Variants in PARG observed in about 807,000 individuals in gnomAD.
PARG encodes poly(ADP-ribose) glycohydrolase, also known as mitochondrial poly(ADP-ribose) glycohydrolase.
PARG carries 35 observed loss-of-function variants against 113.0 expected under a neutral mutation model. That is an observed-to-expected ratio of 0.31 (90% CI 0.24 to 0.41). The LOEUF (loss-of-function observed/expected upper bound fraction) is 0.41, where lower values mean the gene tolerates loss of function less well. Ranked by LOEUF, PARG falls within the 10% of genes least tolerant of loss-of-function variation. The pLI is 1.00. For missense variants in PARG, 797 were observed against 1,169.4 expected (o/e 0.68, Z 4.64); for synonymous variants, 330 against 409.9 (o/e 0.81, Z 2.36).
chr10:49,920,562 G>GTA (rs1491583081), intron 6 of PARG, among the ~76,000 whole-genome samples: 1 of 105,846 alleles, frequency 9.4e-6, no homozygotes, highest in Non-Finnish European at 2.0e-5. Context: ...ACATATATAC[G>GTA]TATATATACG....
chr10:49,891,407 T>C (rs1847775067), intron 7 of PARG, among the ~76,000 whole-genome samples: 1 of 151,490 alleles, frequency 6.6e-6, no homozygotes, highest in South Asian at 2.1e-4. Flanking sequence ...TTTTCTCTAT[T>C]GGTCTAAACC....
intron 1 of PARG, 120 bp from the exon 2 acceptor site, chr10:49,935,262 T>C: frequency 1.7e-6 from 1 of 588,812 alleles, no homozygotes; most frequent in South Asian, 2.3e-5. Context: ...AACTCAAGTA[T>C]TTGCCCTCAA....
intron 7 of PARG, among the ~76,000 whole-genome samples, chr10:49,901,964 C>G (rs1848366854): frequency 6.6e-6 from 1 of 152,150 alleles, no homozygotes; most frequent in Non-Finnish European, 1.5e-5. Flanking sequence ...CAGCCGGCAG[C>G]CACATGTGGC....
At chr10:49,920,493 TATATAC>T (rs1398087657) in intron 6 of PARG, among the ~76,000 whole-genome samples, 1,677 of 94,090 alleles carry the variant, frequency 0.018, 58 homozygotes, top group African/African-American at 0.062. Flanking sequence ...TATATATATA[TATATAC>T]ACACACACAC....
chr10:49,886,883 A>G lies in PARG; in HGVS notation c.1738-1588T>C, dbSNP rs1481051692. Among the ~76,000 whole-genome samples the G allele has an allele frequency of 2.0e-5, 3 of 152,168 alleles. No homozygotes were observed. The East Asian group carries it at 5.8e-4, about 29-fold the overall frequency. ...GCCTCTTTAACTCTGTTAAAAATAA[A>G]AAAACTAAATTTTTAAAAAATCATA... On this transcript the variant is annotated intron_variant, in intron 7 of 17. Transcript: ENST00000616448.
intron 7 of PARG, among the ~76,000 whole-genome samples, chr10:49,886,718 G>A (rs1426586429): frequency 1.3e-5 from 2 of 152,156 alleles, no homozygotes; most frequent in Non-Finnish European, 2.9e-5. Context: ...AAACTATAGT[G>A]AGAAAATGCG....
intron 1 of PARG, among the ~76,000 whole-genome samples, chr10:49,937,848 T>C (rs1838827159): frequency 1.3e-5 from 2 of 152,188 alleles, no homozygotes; most frequent in African/African-American, 2.4e-5. Context: ...TAATAAAACA[T>C]TGATCAGTCC....
chr10:49,903,548 T>C (rs1422495242), intron 7 of PARG, among the ~76,000 whole-genome samples: 1 of 152,106 alleles, frequency 6.6e-6, no homozygotes, highest in East Asian at 1.9e-4. Flanking sequence ...TTGGGCCTCA[T>C]GAATATTCAG....
intron 7 of PARG, among the ~76,000 whole-genome samples, chr10:49,889,504 T>C (rs1408308567): frequency 6.6e-6 from 1 of 152,210 alleles, no homozygotes; most frequent in African/African-American, 2.4e-5. Context: ...TCTTTACTGA[T>C]ACCACTTTGG....
At chr10:49,939,880 C>T (rs1407335257) in intron 1 of PARG, among the ~76,000 whole-genome samples, 23 of 152,242 alleles carry the variant, frequency 1.5e-4, no homozygotes, top group African/African-American at 3.6e-4. Flanking sequence ...GAGAACTGCC[C>T]GAGCTCTGCC....
intron 4 of PARG, among the ~76,000 whole-genome samples, chr10:49,923,535 G>C (rs2132909364): frequency 6.6e-6 from 1 of 152,136 alleles, no homozygotes; most frequent in African/African-American, 2.4e-5. Context: ...TAGGTAGCCA[G>C]TCAGACATGA....
chr10:49,936,648 G>A (rs1203308049), intron 1 of PARG, among the ~76,000 whole-genome samples: 4 of 152,042 alleles, frequency 2.6e-5, no homozygotes, highest in Admixed American at 1.3e-4. Context: ...TTAAACATTC[G>A]CAAATGTTTA....
intron 7 of PARG, among the ~76,000 whole-genome samples, chr10:49,906,831 A>C (rs1288338024): frequency 2.0e-5 from 3 of 152,186 alleles, no homozygotes; most frequent in Non-Finnish European, 4.4e-5. Context: ...GTCTGGGATG[A>C]GACAGGCCTA....
chr10:49,931,633 C>T lies in PARG; in HGVS notation c.1455+467G>A, dbSNP rs1193738799. On this transcript the variant is annotated intron_variant, in intron 4 of 17. Transcript: ENST00000616448. ...CAACCCACCAAATTATCCTTAAAAA[C>T]TCTGATCCCCGAATGCTCGAGGAGA... Among the ~76,000 whole-genome samples, 5 of 148,230 alleles carry T rather than the reference C, an allele frequency of 3.4e-5. No individual in the cohort carries two copies. In the East Asian group the frequency reaches 1.0e-3, roughly 30 times the overall value.
At chr10:49,833,110 A>G (rs1844752715) in intron 15 of PARG, 2 of 371,378 alleles carry the variant, frequency 5.4e-6, no homozygotes, top group South Asian at 1.6e-4. Context: ...GAGACTAAGA[A>G]ATGATAAATT....
At chr10:49,865,476 C>CACAT in intron 10 of PARG, 95 bp from the exon 11 acceptor site, 2 of 521,554 alleles carry the variant, frequency 3.8e-6, no homozygotes, top group Non-Finnish European at 7.2e-6. Context: ...CACACACACA[C>CACAT]ACACACACTC....
At chr10:49,820,447 C>T (rs1049855772) in intron 16 of PARG, among the ~76,000 whole-genome samples, 154 bp from the exon 17 acceptor site, 2 of 151,986 alleles carry the variant, frequency 1.3e-5, no homozygotes, top group Admixed American at 6.6e-5. Context: ...CAAGGCTGGG[C>T]GCGGTGCCTC....
chr10:49,894,321 C>T lies in PARG; in HGVS notation c.1738-9026G>A, dbSNP rs541405385. 9.2e-5 allele frequency among the ~76,000 whole-genome samples: 14 copies of T among 151,984 alleles called. No individual in the cohort carries two copies. The South Asian group carries it at 2.9e-3, about 32-fold the overall frequency. On this transcript the variant is annotated intron_variant, in intron 7 of 17. Coordinates refer to ENST00000616448, the MANE Select transcript of PARG (RefSeq NM_003631.5). ...CCTCGCAAAGTGCTGGGATAACAGGCATGAGCCAATGCGCCTGGCATCCCT... is the reference window on the plus strand; with the variant it reads ...CCTCGCAAAGTGCTGGGATAACAGGTATGAGCCAATGCGCCTGGCATCCCT...
intron 5 of PARG, 49 bp from the exon 6 acceptor site, chr10:49,922,468 G>A (rs530560261): frequency 6.2e-7 from 1 of 1,609,594 alleles, no homozygotes; most frequent in South Asian, 1.1e-5. Context: ...AAGTTGTTTT[G>A]CATCACAGAA....
Sources: gnomAD v4.1 joint callset for allele counts (sites outside exome capture counted in the v4.1 genomes callset) on GRCh38, gnomAD v4.1.1 for gene constraint, MANE v1.5 for transcripts, NCBI Gene and HGNC (gene_info 2026-07-23, HGNC 2026-07-21) for gene names.